The following FSTL4 variants were observed in gnomAD, a reference collection of about 807,000 sequenced individuals.
FSTL4 encodes the protein follistatin-related protein 4.
FSTL4 carries 28 observed loss-of-function variants against 78.2 expected under a neutral mutation model. That is an observed-to-expected ratio of 0.36 (90% confidence interval 0.27 to 0.49). The LOEUF (loss-of-function observed/expected upper bound fraction) is 0.49. Ranked by LOEUF, FSTL4 falls within the 20% of genes least tolerant of loss-of-function variation. The probability of loss-of-function intolerance (pLI) is 0.98; values close to 1 mark genes in which losing one functional copy is unlikely to be tolerated. For synonymous variants in FSTL4, 422 were observed against 440.5 expected (o/e 0.96, Z 0.53); for missense variants, 922 against 1,084.9 (o/e 0.85, Z 2.11).
chr5:133,610,439 G>C (rs528610944), intron 1 of FSTL4, among the ~76,000 whole-genome samples: 1 of 152,294 alleles, frequency 6.6e-6, no homozygotes, highest in South Asian at 2.1e-4. Flanking sequence ...TGGAGAGGGT[G>C]GTGCCTTTTT....
chr5:133,244,463 G>A (rs369510285), intron 7 of FSTL4: 5 of 152,228 alleles, frequency 3.3e-5, no homozygotes, highest in African/African-American at 1.2e-4. Flanking sequence ...CTTCAGTAAC[G>A]AAACCCACAG....
At chr5:133,385,603 A>T (rs935895882) in intron 4 of FSTL4, among the ~76,000 whole-genome samples, 2 of 152,172 alleles carry the variant, frequency 1.3e-5, no homozygotes, top group African/African-American at 4.8e-5. Flanking sequence ...CACCCTGTCC[A>T]CTGGCTCCTC....
intron 3 of FSTL4, among the ~76,000 whole-genome samples, chr5:133,403,312 T>C (rs747448420): frequency 1.3e-5 from 2 of 152,150 alleles, no homozygotes; most frequent in South Asian, 4.1e-4. Flanking sequence ...CTGGCCCCCA[T>C]TGCTTTCTCC....
At chr5:133,295,112 G>A (rs934127481) in intron 6 of FSTL4, among the ~76,000 whole-genome samples, 8 of 151,960 alleles carry the variant, frequency 5.3e-5, no homozygotes, top group South Asian at 2.1e-4. Context: ...CTACACAATC[G>A]TTCCCGACCT....
chr5:133,745,186 C>A, the FSTL4 span, among the ~76,000 whole-genome samples: 2 of 152,392 alleles, frequency 1.3e-5, no homozygotes, highest in East Asian at 3.9e-4. Context: ...AGTGAGGGCA[C>A]TTGCTCCTCA....
At chr5:133,253,281 C>G (rs1451851748) in intron 6 of FSTL4, among the ~76,000 whole-genome samples, 1 of 152,186 alleles carries the variant, frequency 6.6e-6, no homozygotes, top group Non-Finnish European at 1.5e-5. Context: ...AAAAATGAGA[C>G]AGCATCATGT....
chr5:133,730,084 G>T, the FSTL4 span, among the ~76,000 whole-genome samples: 3 of 152,182 alleles, frequency 2.0e-5, no homozygotes, highest in African/African-American at 7.2e-5. Context: ...TTGATTGTGG[G>T]AGCCTGAGGA....
intron 8 of FSTL4, among the ~76,000 whole-genome samples, chr5:133,230,478 A>G (rs147052540): frequency 6.6e-6 from 1 of 152,338 alleles, no homozygotes; most frequent in Non-Finnish European, 1.5e-5. Flanking sequence ...TTAAAAATAC[A>G]TGACTAAATG....
chr5:133,292,201 C>T (rs1224369670), intron 6 of FSTL4, among the ~76,000 whole-genome samples: 1 of 152,180 alleles, frequency 6.6e-6, no homozygotes, highest in Non-Finnish European at 1.5e-5. Flanking sequence ...TTTTCCACAC[C>T]AGAATGCAGA....
intron 7 of FSTL4, among the ~76,000 whole-genome samples, chr5:133,241,788 C>T (rs1034059636): frequency 6.6e-6 from 1 of 152,192 alleles, no homozygotes; most frequent in African/African-American, 2.4e-5. Context: ...TCCTGGGGAT[C>T]CTTGGATCCT....
In FSTL4 at chr5:133,199,254, AC is replaced by A. The variant is rs765771244; in HGVS notation, c.2369del (p.Gly790ValfsTer6). 7 of 1,612,720 alleles carry A rather than the reference AC, an allele frequency of 4.3e-6. No homozygotes were observed. The highest frequency in any genetic ancestry group is 1.3e-5 in the African/African-American group (1 of 74,668). ...PPAGPAQPWG[G>X]THRIMRDSGL... ...CACTGTCCCTCATGATTCTGTGGGT[AC>A]CCCCCCAGGGCTGAGCTGGCCCTGC... On this transcript the variant is annotated frameshift_variant, in exon 16 of 16. Transcript: ENST00000265342. LOFTEE classifies it low-confidence loss of function (END_TRUNC). This position sits in a 1 kb window ranked among gnomAD's most constrained non-coding sequence, Gnocchi z 4.4.
Position 133,272,426 on chromosome 5 carries a change from G to A in FSTL4, c.728-22850C>T, listed in dbSNP as rs1315682494. On this transcript the variant is annotated intron_variant, in intron 6 of 15. Coordinates refer to ENST00000265342, the MANE Select transcript of FSTL4 (RefSeq NM_015082.2). ...GTGGAGGGAGAGAGGAGGCACGCGCGTGCAGCGCCGTGACGTGCATTTAGT... is the reference window on the plus strand; with the variant it reads ...GTGGAGGGAGAGAGGAGGCACGCGCATGCAGCGCCGTGACGTGCATTTAGT... Among the ~76,000 whole-genome samples the A allele has an allele frequency of 3.3e-5, 5 of 152,350 alleles. No homozygotes were observed. In the East Asian group the frequency reaches 5.8e-4, roughly 18 times the overall value.
intron 6 of FSTL4, among the ~76,000 whole-genome samples, chr5:133,306,391 A>C (rs185502898): frequency 6.6e-6 from 1 of 152,302 alleles, no homozygotes; most frequent in Admixed American, 6.5e-5. Context: ...TACTCTGAGG[A>C]GGGTTGAATG....
At chr5:133,625,765 A>G in the FSTL4 span, among the ~76,000 whole-genome samples, 1 of 65,028 alleles carries the variant, frequency 1.5e-5, no homozygotes, top group Non-Finnish European at 2.7e-5. Context: ...TATTCCATAT[A>G]TATTCCATAT....
At chr5:133,749,133 A>G in the FSTL4 span, among the ~76,000 whole-genome samples, 1 of 152,246 alleles carries the variant, frequency 6.6e-6, no homozygotes, top group East Asian at 1.9e-4. Context: ...GTGCTCAGAC[A>G]GAAGCCACTG....
At chr5:133,545,794 G>A (rs1759562058) in intron 3 of FSTL4, among the ~76,000 whole-genome samples, 1 of 152,196 alleles carries the variant, frequency 6.6e-6, no homozygotes, top group African/African-American at 2.4e-5. Flanking sequence ...GGTAATTCTG[G>A]TGAAGGTGCA....
rs189819776 is a variant in FSTL4, at chr5:133,494,446, A to G, written c.160+72740T>C. Among the ~76,000 whole-genome samples the G allele has an allele frequency of 3.0e-3, 458 of 152,042 alleles. 3 individuals are homozygous for G. The highest frequency in any genetic ancestry group is 0.011 in the African/African-American group (444 of 41,478). ...TCTAGCATCACACAGGAGTGAGCTC[A>G]CTGAATCACTGGTGTTGTTACTAAT... is the stretch of plus-strand genomic sequence containing the variant. On this transcript the variant is annotated intron_variant, in intron 3 of 15. Coordinates refer to ENST00000265342, the MANE Select transcript of FSTL4 (RefSeq NM_015082.2).
intron 2 of FSTL4, among the ~76,000 whole-genome samples, chr5:133,581,264 TGG>T (rs1760399386): frequency 6.6e-6 from 1 of 152,194 alleles, no homozygotes; most frequent in Non-Finnish European, 1.5e-5. Context: ...AGAGCTAGAT[TGG>T]TGTTTACTTA....
At chr5:133,215,906 A>G (rs929574613) in intron 13 of FSTL4, among the ~76,000 whole-genome samples, 1 of 152,132 alleles carries the variant, frequency 6.6e-6, no homozygotes, top group Non-Finnish European at 1.5e-5. Context: ...CCCTCTTATA[A>G]GGACATTTGT....
Sources: gnomAD v4.1 joint callset for allele counts (sites outside exome capture counted in the v4.1 genomes callset) on GRCh38, gnomAD v4.1.1 for gene constraint, Gnocchi (gnomAD v3.1) non-coding constraint, MANE v1.5 for transcripts, NCBI Gene and HGNC (gene_info 2026-07-23, HGNC 2026-07-21) for gene names.